The following IPO9 variants were observed in gnomAD, a reference collection of about 807,000 sequenced individuals.
The protein encoded by IPO9 is importin 9, also known as importin-9.
IPO9 carries 28 observed loss-of-function variants against 128.6 expected under a neutral mutation model. The observed-to-expected ratio is 0.22, with a 90% CI of 0.16 to 0.30. IPO9 has a LOEUF of 0.30. IPO9 is among the 10% of genes least tolerant of loss of function. The probability of loss-of-function intolerance (pLI) is 1.00; values close to 1 mark genes in which losing one functional copy is unlikely to be tolerated. For missense variants in IPO9, 935 were observed against 1,293.9 expected, an observed-to-expected ratio of 0.72 and a Z score of 4.26; for synonymous variants, 455 against 475.8, an observed-to-expected ratio of 0.96 and a Z score of 0.57.
In IPO9 at chr1:201,882,521, CACTT is replaced by C. The variant is rs1013542729; in HGVS notation, c.*6470_*6473del. ...CAGGTCAACATTTGCCATCTAATGA[CACTT>C]ACATTCCAGTTTTTTCCTTTTTTGA... is the stretch of plus-strand genomic sequence containing the variant. On this transcript the variant is annotated 3_prime_UTR_variant, in exon 24 of 24. Coordinates refer to ENST00000361565, the MANE Select transcript of IPO9 (RefSeq NM_018085.5). The C allele has an allele frequency of 1.7e-4, 26 of 150,624 alleles. No homozygotes were observed. Among genetic ancestry groups the C allele is most frequent in the African/African-American group, 5.4e-4 (22 of 41,074 alleles). The allele number at this position is 150,624 out of a possible 1,614,324, so 9.3% of individuals were successfully genotyped here.
At position 201,878,504 on chromosome 1, in the gene IPO9, T is replaced by G. The variant is rs1680820469; in HGVS notation, c.*2450T>G. The G allele has an allele frequency of 6.6e-6, 1 of 152,574 alleles. No individual in the cohort carries two copies. Among genetic ancestry groups the G allele is most frequent in the Admixed American group, 6.6e-5 (1 of 15,266 alleles). 9.5% of individuals were successfully genotyped at this position (152,574 alleles called of 1,614,324 possible). ...TCCTAAATCCTTTGGCAAGGGTCCT[T>G]TCTGCTCTCATGCTGATTTGGGGGA... is the stretch of plus-strand genomic sequence containing the variant. On this transcript the variant is annotated 3_prime_UTR_variant, in exon 24 of 24. Transcript: ENST00000361565.
intron 13 of IPO9, among the ~76,000 whole-genome samples, chr1:201,862,923 C>T (rs1680476071): frequency 6.6e-6 from 1 of 151,990 alleles, no homozygotes; most frequent in African/African-American, 2.4e-5. Context: ...CTACTTTGCT[C>T]AGAAGAGACA....
At chr1:201,865,120 C>T (rs1035796192) in intron 14 of IPO9, among the ~76,000 whole-genome samples, 1 of 151,990 alleles carries the variant, frequency 6.6e-6, no homozygotes, top group Admixed American at 6.6e-5. Context: ...CAAGAGTTTC[C>T]CTTTGGTCAT....
chr1:201,859,543 A>G lies in IPO9; in HGVS notation c.1468+549A>G, dbSNP rs149870901. Among the ~76,000 whole-genome samples the G allele has an allele frequency of 4.6e-3, 707 of 152,292 alleles. 2 individuals are homozygous for G. The highest frequency in any genetic ancestry group is 0.01 in the Middle Eastern group (3 of 294). ...TGTTAAGTCCAGAATGCCCTCAGGC[A>G]TTCTGTATCAGGCACATTCTTCCTG... On this transcript the variant is annotated intron_variant, in intron 13 of 23. Transcript: ENST00000361565.
intron 13 of IPO9, among the ~76,000 whole-genome samples, chr1:201,860,452 A>C (rs967792429): frequency 7.2e-5 from 11 of 152,232 alleles, no homozygotes; most frequent in African/African-American, 2.7e-4. Context: ...AATCATGTCT[A>C]ATCTTTGTAT....
rs904052045 is a variant in IPO9, at chr1:201,854,843, A to G, written c.831A>G (p.Lys277=). The change falls in exon 8 of 24, where the codon AAA becomes AAG. Residue 277 remains lysine (K), a synonymous_variant. Transcript: ENST00000361565. ...EVLKAVTALV[K]NFPKHMVSSM... is the part of the protein sequence containing the mutation. ...CTTAGGCAGTGACAGCCCTAGTGAA[A>G]AACTTCCCAAAGCACATGGTGTCCT... The G allele has an allele frequency of 6.2e-7, 1 of 1,610,306 alleles. No individual in the cohort carries two copies. Among genetic ancestry groups the G allele is most frequent in the Middle Eastern group, 1.7e-4 (1 of 6,036 alleles).
At chr1:201,865,456 C>A (rs1218934530) in intron 14 of IPO9, among the ~76,000 whole-genome samples, 1 of 152,132 alleles carries the variant, frequency 6.6e-6, no homozygotes, top group Non-Finnish European at 1.5e-5. Flanking sequence ...GATCCGCTCG[C>A]CCCCACCTCC....
chr1:201,848,601 G>C lies in IPO9; in HGVS notation c.514+7G>C. 1 of 1,613,526 alleles carries C rather than the reference G, an allele frequency of 6.2e-7. No individual in the cohort carries two copies. Among genetic ancestry groups the C allele is most frequent in the South Asian group, 1.1e-5 (1 of 91,050 alleles). On this transcript the variant is annotated splice_region_variant and intron_variant, in intron 4 of 23. Transcript: ENST00000361565. Reference sequence around the variant, plus strand: ...GCCATGCGTGTGCTGACAGGTACCAGAAGCCCTTTTCCCTGGTATTGGTAC... The same window carrying C: ...GCCATGCGTGTGCTGACAGGTACCACAAGCCCTTTTCCCTGGTATTGGTAC...
In IPO9 at chr1:201,876,309, C is replaced by CT. The variant is rs1367212147; in HGVS notation, c.*256dup. ...TCTAGAACCTTTTTTCTCCCCGACT[C>CT]TACCCCCACCTCTGTTCCTAGAGCC... On this transcript the variant is annotated 3_prime_UTR_variant, in exon 24 of 24. Transcript: ENST00000361565. The CT allele has an allele frequency of 3.4e-6, 2 of 594,634 alleles. No individual in the cohort carries two copies. Among genetic ancestry groups the CT allele is most frequent in the Non-Finnish European group, 6.2e-6 (2 of 321,256 alleles). The allele number at this position is 594,634 out of a possible 1,614,324, so 36.8% of individuals were successfully genotyped here.
At chr1:201,842,501 A>T (rs1421999892) in intron 1 of IPO9, among the ~76,000 whole-genome samples, 2 of 152,170 alleles carry the variant, frequency 1.3e-5, no homozygotes, top group African/African-American at 2.4e-5. Context: ...TCCAGTGACC[A>T]GCCCCCATCC....
chr1:201,837,504 C>G (rs912642564), intron 1 of IPO9, among the ~76,000 whole-genome samples: 2 of 152,072 alleles, frequency 1.3e-5, no homozygotes, highest in Non-Finnish European at 2.9e-5. Context: ...AGCTGTGAGC[C>G]TCAGTATTAC....
intron 4 of IPO9, among the ~76,000 whole-genome samples, chr1:201,849,495 C>T (rs1680180049): frequency 6.6e-6 from 1 of 152,180 alleles, no homozygotes; most frequent in Admixed American, 6.5e-5. Context: ...GTAGAAGTCC[C>T]ACCAATATCT....
Position 201,881,970 on chromosome 1 carries a change from T to A in IPO9, c.*5916T>A, listed in dbSNP as rs924255420. ...AGCTGTGGAATGAATTGTCTTAAAA[T>A]GTTGCAGTGAGTTCCTCCTCATCAA... On this transcript the variant is annotated 3_prime_UTR_variant, in exon 24 of 24. Transcript: ENST00000361565. 2.6e-5 allele frequency: 4 copies of A among 152,190 alleles called. No individual in the cohort carries two copies. The highest frequency in any genetic ancestry group is 7.2e-5 in the African/African-American group (3 of 41,428). The allele number at this position is 152,190 out of a possible 1,614,324, so 9.4% of individuals were successfully genotyped here. A position where few individuals can be genotyped will look rare whatever the true frequency, so the allele number is the denominator to read the frequency against.
rs532094372 is a variant in IPO9 at position 201,833,274 on chromosome 1, T to A, written c.163+3902T>A. Among the ~76,000 whole-genome samples the A allele has an allele frequency of 1.3e-3, 202 of 151,932 alleles. 1 individual carries two copies. Among genetic ancestry groups the A allele is most frequent in the African/African-American group, 4.7e-3 (193 of 41,408 alleles). ...TATTTTTTGAGACAGAGTCTCGCTC[T>A]GTCACCCAGGCTGGAGTGCATTGGC... On this transcript the variant is annotated intron_variant, in intron 1 of 23. Coordinates refer to ENST00000361565, the MANE Select transcript of IPO9 (RefSeq NM_018085.5).
At position 201,879,578 on chromosome 1, in the gene IPO9, A is replaced by G. The variant is rs751759331; in HGVS notation, c.*3524A>G. ...AGATAATAAGAAACCCTTAGGAAGG[A>G]TGACAATTTAGAATCCAAATTTAGG... On this transcript the variant is annotated 3_prime_UTR_variant, in exon 24 of 24. Coordinates refer to ENST00000361565, the MANE Select transcript of IPO9 (RefSeq NM_018085.5). The G allele has an allele frequency of 6.6e-6, 1 of 152,266 alleles. No individual in the cohort carries two copies. Among genetic ancestry groups the G allele is most frequent in the African/African-American group, 2.4e-5 (1 of 41,478 alleles). The allele number at this position is 152,266 out of a possible 1,614,324, so 9.4% of individuals were successfully genotyped here.
intron 13 of IPO9, among the ~76,000 whole-genome samples, chr1:201,859,739 C>T (rs1367296108): frequency 6.6e-6 from 1 of 152,128 alleles, no homozygotes; most frequent in Non-Finnish European, 1.5e-5. Flanking sequence ...GCAGGTGACT[C>T]ACCTGAGGTC....
chr1:201,857,441 C>CG (rs1558220792), intron 11 of IPO9, among the ~76,000 whole-genome samples: 1 of 151,960 alleles, frequency 6.6e-6, no homozygotes, highest in Admixed American at 6.6e-5. Context: ...GGCCGGGGTG[C>CG]GGGGGAGAAT....
intron 11 of IPO9, among the ~76,000 whole-genome samples, 186 bp downstream of exon 11, chr1:201,857,380 T>C (rs1013057699): frequency 1.3e-5 from 2 of 152,224 alleles, no homozygotes; most frequent in African/African-American, 4.8e-5. Context: ...TCATTGCTAC[T>C]GGTTCTAACT....
intron 13 of IPO9, 26 bp downstream of exon 13, chr1:201,859,020 C>T: frequency 6.3e-7 from 1 of 1,590,624 alleles, no homozygotes; most frequent in Non-Finnish European, 8.6e-7. Context: ...TGCCAGGATT[C>T]TAGAAACTCT....
Sources: gnomAD v4.1 joint callset for allele counts (sites outside exome capture counted in the v4.1 genomes callset) on GRCh38, gnomAD v4.1.1 for gene constraint, MANE v1.5 for transcripts, NCBI Gene and HGNC (gene_info 2026-07-23, HGNC 2026-07-21) for gene names.